NR1H3: variants seen among roughly 807,000 people sequenced by gnomAD.
NR1H3 encodes oxysterols receptor LXR-alpha.
NR1H3 carries 19 observed loss-of-function variants against 48.1 expected under a neutral mutation model. That is an observed-to-expected ratio of 0.40 (90% confidence interval 0.28 to 0.58). NR1H3 has a LOEUF of 0.58. NR1H3 is among the 20% of genes least tolerant of loss of function. NR1H3 has a pLI of 0.50. For synonymous variants in NR1H3, 232 were observed against 227.3 expected (o/e 1.02, Z -0.19); for missense variants, 486 against 595.9 (o/e 0.82, Z 1.92).
intron 4 of NR1H3, 54 bp from the exon 5 acceptor site, chr11:47,261,187 T>G: frequency 3.0e-4 from 109 of 367,150 alleles, no homozygotes; most frequent in Non-Finnish European, 4.1e-4. Context: ...CCCCACCCCC[T>G]TGCCCCATCC....
chr11:47,266,095 T>G (rs780325669), intron 7 of NR1H3, among the ~76,000 whole-genome samples: 2 of 152,134 alleles, frequency 1.3e-5, no homozygotes, highest in Non-Finnish European at 2.9e-5. Flanking sequence ...TCACCCATAC[T>G]GCAATATTCC....
At chr11:47,260,827 G>A (rs1454942311) in intron 4 of NR1H3, 152 bp downstream of exon 4, 3 of 1,052,872 alleles carry the variant, frequency 2.8e-6, no homozygotes, top group Admixed American at 2.7e-5. Flanking sequence ...GCTCATGCCT[G>A]TAATCCCAGC....
chr11:47,262,858 G>C (rs1956055560), intron 7 of NR1H3, among the ~76,000 whole-genome samples: 1 of 152,190 alleles, frequency 6.6e-6, no homozygotes, highest in Non-Finnish European at 1.5e-5. Context: ...CAGAGCCACA[G>C]GCCCAATGTT....
At chr11:47,264,676 A>G (rs757285325) in intron 7 of NR1H3, among the ~76,000 whole-genome samples, 2 of 152,194 alleles carry the variant, frequency 1.3e-5, no homozygotes, top group African/African-American at 2.4e-5. Context: ...TGCTATCTGA[A>G]TCTGCACCTA....
intron 7 of NR1H3, among the ~76,000 whole-genome samples, chr11:47,266,865 T>G (rs1956537053): frequency 6.6e-6 from 1 of 151,208 alleles, no homozygotes; most frequent in African/African-American, 2.4e-5. Context: ...GGTCTCAAAC[T>G]CCTGAACTCA....
intron 6 of NR1H3, 56 bp downstream of exon 6, chr11:47,261,782 AG>A: frequency 6.2e-7 from 1 of 1,611,466 alleles, no homozygotes; most frequent in Non-Finnish European, 8.5e-7. Flanking sequence ...TATCTGTGGG[AG>A]GGGCCTCCAG....
At chr11:47,263,861 C>T (rs1956185739) in intron 7 of NR1H3, among the ~76,000 whole-genome samples, 1 of 152,072 alleles carries the variant, frequency 6.6e-6, no homozygotes, top group Non-Finnish European at 1.5e-5. Context: ...CCTTGGCCTC[C>T]CAAAGTCCTG....
rs1243096121 is a variant in NR1H3 at position 47,260,248 on chromosome 11, T to TG, written c.233-159dup. On this transcript the variant is annotated intron_variant, in intron 3 of 9. Transcript: ENST00000441012. ...GGCTCATACAGTACCTAGAACATAA[T>TG]GGCACTTGGCAAATGAGGGCTACTC... The TG allele has an allele frequency of 3.3e-5, 33 of 1,000,426 alleles. No individual in the cohort carries two copies. In the Admixed American group the frequency reaches 7.4e-4, roughly 22 times the overall value. The allele number at this position is 1,000,426 out of a possible 1,614,324, so 62.0% of individuals were successfully genotyped here.
intron 1 of NR1H3, among the ~76,000 whole-genome samples, chr11:47,249,937 C>CAAA (rs59771362): frequency 1.4e-5 from 2 of 144,656 alleles, no homozygotes; most frequent in African/African-American, 5.0e-5. Flanking sequence ...ACTAAAAATA[C>CAAA]AAAAAAAAAA....
intron 7 of NR1H3, among the ~76,000 whole-genome samples, chr11:47,266,595 A>G (rs1565203267): frequency 6.6e-6 from 1 of 151,610 alleles, no homozygotes; most frequent in Non-Finnish European, 1.5e-5. Flanking sequence ...CGGCCTCCTA[A>G]AGTGCTGGGA....
upstream of NR1H3, among the ~76,000 whole-genome samples, chr11:47,253,134 C>CGTGTGTGCGTGTGTGTGTGTGTGTGT (rs1554980524): frequency 9.5e-4 from 140 of 147,776 alleles, 1 homozygote; most frequent in African/African-American, 3.5e-3. Flanking sequence ...AATTTTTGTG[C>CGTGTGTGCGTGTGTGTGTGTGTGTGT]GTGTGTGTGT....
chr11:47,257,963 T>A, upstream of NR1H3: 1 of 985,678 alleles, frequency 1.0e-6, no homozygotes, highest in Non-Finnish European at 1.2e-6. Context: ...CCCCTCAGCC[T>A]TTCCCCAAAT....
intron 7 of NR1H3, among the ~76,000 whole-genome samples, chr11:47,266,146 A>G (rs141019353): frequency 3.1e-4 from 47 of 152,252 alleles, no homozygotes; most frequent in Admixed American, 7.9e-4. Flanking sequence ...TAGTGTTCAA[A>G]TAAGTAAGGC....
At chr11:47,264,956 GC>G (rs1451922921) in intron 7 of NR1H3, among the ~76,000 whole-genome samples, 1 of 152,184 alleles carries the variant, frequency 6.6e-6, no homozygotes, top group East Asian at 1.9e-4. Flanking sequence ...GGGGCTGTTT[GC>G]CACACTTTGG....
chr11:47,266,362 A>G (rs1412435456), intron 7 of NR1H3, among the ~76,000 whole-genome samples: 1 of 150,468 alleles, frequency 6.6e-6, no homozygotes. Flanking sequence ...TTGAGCCAGA[A>G]TCTTGCTCTG....
At chr11:47,265,780 G>A (rs1207193775) in intron 7 of NR1H3, among the ~76,000 whole-genome samples, 1 of 152,146 alleles carries the variant, frequency 6.6e-6, no homozygotes, top group East Asian at 1.9e-4. Flanking sequence ...GCTGAGGCAG[G>A]AGAATTGCTT....
chr11:47,248,491 G>T, upstream of NR1H3: 1 of 1,550,140 alleles, frequency 6.5e-7, no homozygotes, highest in Non-Finnish European at 8.7e-7. Context: ...TCACCCCGAC[G>T]TATTCGGTCA....
At position 47,260,514 on chromosome 11, in the gene NR1H3, T is replaced by G. The variant is rs1310040344; in HGVS notation, c.338T>G (p.Leu113Arg). The change falls in exon 4 of 10, where the codon CTG becomes CGG. Residue 113 changes from leucine (L) to arginine (R), a missense_variant. Physicochemically the swap from Leu to Arg is moderately radical, Grantham distance 102. Coordinates refer to ENST00000441012, the MANE Select transcript of NR1H3 (RefSeq NM_005693.4). ...GCCTCGGGCTTCCACTACAATGTTC[T>G]GAGCTGCGAGGGCTGCAAGGGATTC... ...DKASGFHYNV[L>R]SCEGCKGFFR... 1 of 1,614,168 alleles carries G rather than the reference T, an allele frequency of 6.2e-7. No individual in the cohort carries two copies. Among genetic ancestry groups the G allele is most frequent in the Non-Finnish European group, 8.5e-7 (1 of 1,180,064 alleles).
chr11:47,249,301 A>G (rs964249518), intron 1 of NR1H3, among the ~76,000 whole-genome samples: 13 of 152,100 alleles, frequency 8.5e-5, no homozygotes, highest in Non-Finnish European at 1.9e-4. Flanking sequence ...AGGACACAGT[A>G]TGTAAACAAC....
Sources: gnomAD v4.1 joint callset for allele counts (sites outside exome capture counted in the v4.1 genomes callset) on GRCh38, gnomAD v4.1.1 for gene constraint, MANE v1.5 for transcripts, NCBI Gene and HGNC (gene_info 2026-07-23, HGNC 2026-07-21) for gene names.